LOXHD1: variants seen among roughly 807,000 people sequenced by gnomAD.
The protein encoded by LOXHD1 is lipoxygenase homology domain-containing protein 1.
LOXHD1 carries 205 observed loss-of-function variants against 248.2 expected under a neutral mutation model. That is an observed-to-expected ratio of 0.83 (90% CI 0.74 to 0.93). The LOEUF (loss-of-function observed/expected upper bound fraction) is 0.93, where lower values mean the gene tolerates loss of function less well. Among genes scored for constraint, LOXHD1 ranks in the 40% least tolerant of loss-of-function variants. The pLI is 0.00. For missense variants in LOXHD1, 2,930 were observed against 2,971.6 expected, an observed-to-expected ratio of 0.99 and a Z score of 0.33; for synonymous variants, 1,113 against 1,162.8, an observed-to-expected ratio of 0.96 and a Z score of 0.87.
chr18:46,634,707 A>C (rs1236530808), intron 4 of LOXHD1, among the ~76,000 whole-genome samples: 1 of 152,224 alleles, frequency 6.6e-6, no homozygotes, highest in East Asian at 1.9e-4. Flanking sequence ...ATTCTGGACT[A>C]GACTCACCCT....
At chr18:46,504,448 C>T (rs1026710284) in intron 37 of LOXHD1, among the ~76,000 whole-genome samples, 1 of 152,144 alleles carries the variant, frequency 6.6e-6, no homozygotes, top group Non-Finnish European at 1.5e-5. Flanking sequence ...ATCTTTAATA[C>T]CTAACAGAGT....
intron 6 of LOXHD1, among the ~76,000 whole-genome samples, chr18:46,606,635 A>T (rs2038417861): frequency 6.6e-6 from 1 of 152,206 alleles, no homozygotes; most frequent in Non-Finnish European, 1.5e-5. Flanking sequence ...CATTATGTAT[A>T]TGCAAATATT....
intron 12 of LOXHD1, among the ~76,000 whole-genome samples, chr18:46,589,897 CAA>C (rs1261011895): frequency 2.6e-5 from 4 of 152,054 alleles, no homozygotes; most frequent in Non-Finnish European, 5.9e-5. Context: ...TCACTCAAGG[CAA>C]AGAGGGGGTG....
chr18:46,607,787 G>T (rs2038440158), intron 6 of LOXHD1, among the ~76,000 whole-genome samples: 1 of 152,040 alleles, frequency 6.6e-6, no homozygotes, highest in Admixed American at 6.6e-5. Context: ...GAGATGACAG[G>T]AGTAAAGGGG....
intron 14 of LOXHD1, among the ~76,000 whole-genome samples, chr18:46,572,822 G>A (rs920183909): frequency 6.6e-6 from 1 of 151,878 alleles, no homozygotes; most frequent in Non-Finnish European, 1.5e-5. Flanking sequence ...AGGAGATGAA[G>A]ACCATCCTGG....
intron 1 of LOXHD1, among the ~76,000 whole-genome samples, chr18:46,650,231 T>G (rs1032531403): frequency 2.2e-4 from 33 of 152,176 alleles, no homozygotes; most frequent in Non-Finnish European, 4.7e-4. Context: ...GTCAAAATCT[T>G]GCACTGGAAC....
chr18:46,568,300 T>C (rs1459906670), intron 16 of LOXHD1, among the ~76,000 whole-genome samples: 2 of 152,084 alleles, frequency 1.3e-5, no homozygotes, highest in Non-Finnish European at 2.9e-5. Flanking sequence ...TCTAGAGACA[T>C]CCCCAATCCT....
intron 26 of LOXHD1, 132 bp downstream of exon 26, chr18:46,538,024 T>G: frequency 5.9e-5 from 46 of 778,714 alleles, no homozygotes; most frequent in Non-Finnish European, 8.5e-5. Context: ...GAAGGTAGGA[T>G]GAGCTGCTCA....
intron 34 of LOXHD1, among the ~76,000 whole-genome samples, chr18:46,517,086 T>C (rs187736682): frequency 2.6e-5 from 4 of 152,276 alleles, no homozygotes; most frequent in Admixed American, 6.5e-5. Context: ...GAAGGAGTGC[T>C]GTGTGTTCAG....
At chr18:46,573,710 G>A (rs555697354) in intron 14 of LOXHD1, among the ~76,000 whole-genome samples, 10 of 152,068 alleles carry the variant, frequency 6.6e-5, no homozygotes, top group Non-Finnish European at 8.8e-5. Flanking sequence ...GCAATGCTGT[G>A]GTCTCTCCCA....
chr18:46,652,845 C>T (rs577489485), intron 1 of LOXHD1, among the ~76,000 whole-genome samples: 3 of 152,302 alleles, frequency 2.0e-5, no homozygotes, highest in South Asian at 4.1e-4. Flanking sequence ...CAATAGTAAT[C>T]AGCAATAAAA....
intron 37 of LOXHD1, among the ~76,000 whole-genome samples, chr18:46,502,770 G>C (rs1304120899): frequency 3.9e-5 from 6 of 152,136 alleles, no homozygotes; most frequent in Admixed American, 1.3e-4. Flanking sequence ...ATTGTAAATG[G>C]CTCTGGCATG....
chr18:46,639,695 GT>G lies in LOXHD1; in HGVS notation c.431del (p.Asn144ThrfsTer3). The G allele has an allele frequency of 6.4e-7, 1 of 1,551,784 alleles. No homozygotes were observed. The highest frequency in any genetic ancestry group is 8.7e-7 in the Non-Finnish European group (1 of 1,147,002). ...PHLRYYFNCNNWLSKVEGDRQ... is the reference protein window; with the variant it reads ...PHLRYYFNCNXWLSKVEGDRQ... The stretch of plus-strand genomic sequence containing the variant: ...GGTCACCTTCCACCTTGCTCAGCCA[GT>G]TGTTGCAGTTGAAGTAGTAACGGAG... On this transcript the variant is annotated frameshift_variant, in exon 4 of 41. Coordinates refer to ENST00000642948, the MANE Select transcript of LOXHD1 (RefSeq NM_001384474.1). LOFTEE classifies it high-confidence loss of function.
At chr18:46,509,587 G>A (rs1333230986) in intron 35 of LOXHD1, 111 bp downstream of exon 35, 1 of 801,060 alleles carries the variant, frequency 1.2e-6, no homozygotes, top group Non-Finnish European at 2.2e-6. Context: ...TTCATGTAAT[G>A]ATCCTCTACA....
chr18:46,483,792 A>G (rs1178168215), intron 39 of LOXHD1, 47 bp from the exon 40 acceptor site: 3 of 1,533,990 alleles, frequency 2.0e-6, no homozygotes, highest in Non-Finnish European at 2.6e-6. Context: ...TGCCCACTGA[A>G]GCAGGTAAGC....
At chr18:46,610,599 G>T (rs187240188) in intron 6 of LOXHD1, among the ~76,000 whole-genome samples, 177 bp downstream of exon 6, 1 of 152,176 alleles carries the variant, frequency 6.6e-6, no homozygotes, top group Non-Finnish European at 1.5e-5. Flanking sequence ...AGATGGTAAC[G>T]TGGATGAAGT....
intron 38 of LOXHD1, among the ~76,000 whole-genome samples, chr18:46,486,958 G>T (rs1028927648): frequency 6.6e-6 from 1 of 152,170 alleles, no homozygotes; most frequent in Non-Finnish European, 1.5e-5. Context: ...ACACGAAGCG[G>T]CTTGATAAAA....
At chr18:46,571,538 C>G (rs946922434) in intron 15 of LOXHD1, among the ~76,000 whole-genome samples, 5 of 152,100 alleles carry the variant, frequency 3.3e-5, no homozygotes, top group African/African-American at 1.2e-4. Flanking sequence ...TCCATCTGAC[C>G]CATGGACAAC....
chr18:46,592,926 G>GCCCACAGC (rs2038198412), intron 10 of LOXHD1, among the ~76,000 whole-genome samples: 1 of 152,092 alleles, frequency 6.6e-6, no homozygotes, highest in Non-Finnish European at 1.5e-5. Context: ...ATTAGCACAG[G>GCCCACAGC]CCCACAGCCC....
Sources: gnomAD v4.1 joint callset for allele counts (sites outside exome capture counted in the v4.1 genomes callset) on GRCh38, gnomAD v4.1.1 for gene constraint, MANE v1.5 for transcripts, NCBI Gene and HGNC (gene_info 2026-07-23, HGNC 2026-07-21) for gene names.